The following RBFOX1 variants were observed in gnomAD, a reference collection of about 807,000 sequenced individuals.
The protein encoded by RBFOX1 is RNA binding protein fox-1 homolog 1.
A neutral mutation model predicts 57.7 loss-of-function variants in RBFOX1; 8 were observed. That is an observed-to-expected ratio of 0.14 (90% confidence interval 0.08 to 0.25). The LOEUF is 0.25. Among genes scored for constraint, RBFOX1 ranks in the 10% least tolerant of loss-of-function variants. The pLI is 1.00. For synonymous variants in RBFOX1, 326 were observed against 222.4 expected, an observed-to-expected ratio of 1.47 and a Z score of -4.15; for missense variants, 611 against 548.5, an observed-to-expected ratio of 1.11 and a Z score of -1.14.
intron 4 of RBFOX1, among the ~76,000 whole-genome samples, chr16:7,052,734 G>A (rs1166888138): frequency 6.6e-6 from 1 of 152,160 alleles, no homozygotes; most frequent in African/African-American, 2.4e-5. Flanking sequence ...ACATTGTTCT[G>A]CTTTCATTGT....
At chr16:7,687,538 G>C (rs551215516) in intron 14 of RBFOX1, among the ~76,000 whole-genome samples, 1 of 152,012 alleles carries the variant, frequency 6.6e-6, no homozygotes, top group African/African-American at 2.4e-5. Flanking sequence ...AATTTTAATA[G>C]GTACATCCTA....
At chr16:6,396,117 G>T (rs1314960013) in intron 2 of RBFOX1, among the ~76,000 whole-genome samples, 1 of 149,000 alleles carries the variant, frequency 6.7e-6, no homozygotes, top group Admixed American at 6.7e-5. Context: ...TCTTATGGCA[G>T]TAACAGAGTA....
intron 1 of RBFOX1, among the ~76,000 whole-genome samples, chr16:6,087,667 T>TTTTTTG (rs1259178055): frequency 6.6e-6 from 1 of 151,968 alleles, no homozygotes; most frequent in African/African-American, 2.4e-5. Flanking sequence ...CTTTTTTTTT[T>TTTTTTG]TTTTTGAGAT....
At chr16:6,945,273 G>A (rs1203674312) in intron 3 of RBFOX1, among the ~76,000 whole-genome samples, 1 of 152,112 alleles carries the variant, frequency 6.6e-6, no homozygotes, top group African/African-American at 2.4e-5. Context: ...ACCTCTGTTA[G>A]CGTGTTATGA....
chr16:6,176,895 C>T (rs1412845437), intron 1 of RBFOX1, among the ~76,000 whole-genome samples: 1 of 152,124 alleles, frequency 6.6e-6, no homozygotes, highest in African/African-American at 2.4e-5. Flanking sequence ...GCCGTGAGAA[C>T]AGGTCAAAAA....
At chr16:6,322,866 A>T (rs1396902462) in intron 2 of RBFOX1, among the ~76,000 whole-genome samples, 1 of 152,136 alleles carries the variant, frequency 6.6e-6, no homozygotes. Context: ...CTGCATTTAG[A>T]GTCTGTGGTC....
chr16:6,796,264 A>G (rs1198199262), intron 3 of RBFOX1, among the ~76,000 whole-genome samples: 5 of 152,116 alleles, frequency 3.3e-5, no homozygotes, highest in Non-Finnish European at 7.4e-5. Flanking sequence ...CACCCCCGTA[A>G]TTCAGTCAAC....
At chr16:7,065,933 G>A (rs190255337) in intron 4 of RBFOX1, among the ~76,000 whole-genome samples, 109 of 152,244 alleles carry the variant, frequency 7.2e-4, no homozygotes, top group African/African-American at 2.4e-3. Flanking sequence ...TGATCCTTAT[G>A]TGTTTTTCCC....
chr16:7,419,629 C>G (rs80293954), intron 4 of RBFOX1, among the ~76,000 whole-genome samples: 2 of 152,216 alleles, frequency 1.3e-5, no homozygotes, highest in South Asian at 2.1e-4. Context: ...TTCCCCTCTC[C>G]GCAGCCCTCA....
intron 1 of RBFOX1, among the ~76,000 whole-genome samples, chr16:5,291,953 G>A (rs1214387307): frequency 6.6e-6 from 1 of 151,868 alleles, no homozygotes. Context: ...TGTTTGTGTT[G>A]ATGATGAAGA....
At chr16:5,548,591 G>C (rs776490731) in intron 2 of RBFOX1, among the ~76,000 whole-genome samples, 1 of 152,000 alleles carries the variant, frequency 6.6e-6, no homozygotes, top group Non-Finnish European at 1.5e-5. Flanking sequence ...CACGTTGCAT[G>C]CCTGTATCAA....
intron 3 of RBFOX1, among the ~76,000 whole-genome samples, chr16:6,970,084 A>T (rs2085191224): frequency 6.6e-6 from 1 of 152,104 alleles, no homozygotes; most frequent in Non-Finnish European, 1.5e-5. Flanking sequence ...AGGCTGAGGC[A>T]GGAAGATGAT....
chr16:6,015,630 C>A (rs531322261), upstream of RBFOX1, among the ~76,000 whole-genome samples: 4 of 152,306 alleles, frequency 2.6e-5, no homozygotes, highest in East Asian at 7.7e-4. Context: ...TTTGCTGTTC[C>A]TAGAAGGAGC....
intron 3 of RBFOX1, among the ~76,000 whole-genome samples, chr16:6,698,032 C>G (rs1376593578): frequency 2.0e-5 from 3 of 152,298 alleles, no homozygotes; most frequent in Admixed American, 6.5e-5. Flanking sequence ...ATTAAACTAA[C>G]TAGAATTGTC....
intron 3 of RBFOX1, among the ~76,000 whole-genome samples, chr16:6,727,670 G>C (rs976913955): frequency 6.6e-6 from 1 of 152,072 alleles, no homozygotes; most frequent in African/African-American, 2.4e-5. Flanking sequence ...TAGAAATGAG[G>C]AATGTGTCTA....
chr16:7,368,457 G>C (rs550720004), intron 4 of RBFOX1, among the ~76,000 whole-genome samples: 7 of 151,794 alleles, frequency 4.6e-5, no homozygotes, highest in African/African-American at 1.5e-4. Context: ...TGGAGGTCTC[G>C]AAACACCCTT....
intron 3 of RBFOX1, among the ~76,000 whole-genome samples, chr16:6,972,243 A>C (rs924290194): frequency 3.3e-5 from 5 of 150,746 alleles, no homozygotes; most frequent in Admixed American, 3.3e-4. Flanking sequence ...TAACTCTGTA[A>C]CTCCCCTTTC....
At chr16:7,379,316 C>T (rs1427271452) in intron 4 of RBFOX1, among the ~76,000 whole-genome samples, 1 of 152,094 alleles carries the variant, frequency 6.6e-6, no homozygotes, top group Non-Finnish European at 1.5e-5. Context: ...TATTTTTAGA[C>T]TGTTTTAAAA....
In RBFOX1 at chr16:6,750,561, G is replaced by C. The variant is rs577314464; in HGVS notation, c.-16+95911G>C. 7.2e-5 allele frequency among the ~76,000 whole-genome samples: 11 copies of C among 152,308 alleles called. No individual in the cohort carries two copies. In the South Asian group the frequency reaches 1.9e-3, roughly 26 times the overall value. ...AGAATGTTAAAATAAACTGGTGACC[G>C]AACTATGGTATCTAAAGGCATGCCT... On this transcript the variant is annotated intron_variant, in intron 3 of 15. Coordinates refer to ENST00000550418, the MANE Select transcript of RBFOX1 (RefSeq NM_018723.4).
Sources: allele counts gnomAD v4.1 joint callset (sites outside exome capture counted in the v4.1 genomes callset), GRCh38; gene constraint gnomAD v4.1.1; transcripts MANE v1.5; gene names NCBI Gene and HGNC (gene_info 2026-07-23, HGNC 2026-07-21).